TDRD9: variants seen among roughly 807,000 people sequenced by gnomAD.
TDRD9 encodes the protein tudor domain containing 9, also known as ATP-dependent RNA helicase TDRD9.
Under a neutral mutation model 172.6 loss-of-function variants are expected in TDRD9, and 124 were observed. The observed-to-expected ratio is 0.72, with a 90% CI of 0.62 to 0.83. The LOEUF is 0.83. Among genes scored for constraint, TDRD9 ranks in the 40% least tolerant of loss-of-function variants. TDRD9 has a pLI of 0.00. For missense variants in TDRD9, 1,479 were observed against 1,714.1 expected (o/e 0.86, Z 2.42); for synonymous variants, 619 against 617.1 (o/e 1.00, Z -0.05).
chr14:104,049,110 GTA>G (rs916251259), intron 34 of TDRD9, among the ~76,000 whole-genome samples: 1,482 of 52,202 alleles, frequency 0.028, 24 homozygotes, highest in African/African-American at 0.067. Flanking sequence ...ATGTATGTAT[GTA>G]TGTATGTATG....
At chr14:104,038,301 CAA>C (rs773832381) in intron 32 of TDRD9, among the ~76,000 whole-genome samples, 24 of 152,120 alleles carry the variant, frequency 1.6e-4, no homozygotes, top group Non-Finnish European at 1.6e-4. Context: ...ATTAAACAAA[CAA>C]AAAATTGAAT....
chr14:104,003,896 CAAG>C (rs1289571272), intron 13 of TDRD9, among the ~76,000 whole-genome samples: 1 of 152,084 alleles, frequency 6.6e-6, no homozygotes, highest in Non-Finnish European at 1.5e-5. Context: ...TGTGCATTTT[CAAG>C]AAGGGTGTAC....
Position 104,006,507 on chromosome 14 carries a change from T to C in TDRD9, c.1832T>C (p.Ile611Thr). 6.2e-7 allele frequency: 1 copy of C among 1,613,986 alleles called. No individual in the cohort carries two copies. Among genetic ancestry groups the C allele is most frequent in the Non-Finnish European group, 8.5e-7 (1 of 1,179,850 alleles). The stretch of plus-strand genomic sequence containing the variant: ...GTAAATCAGCAACTTGGTAAACTCA[T>C]AGTCCTTGGACATGTATTTGGATGT... ...LPVNQQLGKL[I>T]VLGHVFGCLD... is the part of the protein sequence containing the mutation. Residue 611 changes from isoleucine to threonine, a missense_variant, in exon 16 of 36, where the codon ATA becomes ACA. This residue lies in a region of TDRD9 where 1,413 missense variants were observed against 1,649.1 expected (regional missense o/e 0.86). Coordinates refer to ENST00000409874, the MANE Select transcript of TDRD9 (RefSeq NM_153046.3).
chr14:104,028,873 G>A (rs1250952613), intron 28 of TDRD9, among the ~76,000 whole-genome samples: 3 of 152,078 alleles, frequency 2.0e-5, no homozygotes, highest in Non-Finnish European at 4.4e-5. Flanking sequence ...AAGAGATAGG[G>A]GTTTAGTGTT....
At chr14:104,011,256 C>T (rs2152225582) in intron 20 of TDRD9, among the ~76,000 whole-genome samples, 1 of 152,274 alleles carries the variant, frequency 6.6e-6, no homozygotes, top group Non-Finnish European at 1.5e-5. Context: ...TCTCCCAAAA[C>T]ATTGCTCGGT....
chr14:104,007,036 T>C (rs2034463182), intron 18 of TDRD9, 124 bp from the exon 19 acceptor site: 1 of 1,114,258 alleles, frequency 9.0e-7, no homozygotes, highest in East Asian at 2.6e-5. Flanking sequence ...TTTTATGAAA[T>C]TGATTGAAAA....
chr14:103,937,065 G>A (rs750316778), intron 1 of TDRD9, among the ~76,000 whole-genome samples: 1 of 152,308 alleles, frequency 6.6e-6, no homozygotes, highest in South Asian at 2.1e-4. Flanking sequence ...GCACGCCTGG[G>A]CAACAGAGCA....
Position 104,032,042 on chromosome 14 carries a change from C to A in TDRD9, c.3464C>A (p.Pro1155His). ...GCAGAACTTCACGGGCCTTTTAACC[C>A]TTATGAACTAAAGTGCCATAGTTTG... The part of the protein sequence containing the change: ...CKAELHGPFN[P>H]YELKCHSLTR... The change falls in exon 30 of 36, where the codon CCT (proline) becomes CAT (histidine). Residue 1155 changes from proline to histidine, a missense_variant. Physicochemically the swap from Pro to His is moderately conservative, Grantham distance 77 (BLOSUM62 -2). Around this residue, in one of 3 missense-constraint regions of TDRD9, gnomAD observed 1,413 missense variants for 1,649.1 expected, o/e 0.86. Transcript: ENST00000409874. 1 of 1,549,132 alleles carries A rather than the reference C, an allele frequency of 6.5e-7. No homozygotes were observed. Among genetic ancestry groups the A allele is most frequent in the Non-Finnish European group, 8.7e-7 (1 of 1,146,304 alleles).
At chr14:103,934,206 T>A (rs2030596806) in intron 1 of TDRD9, among the ~76,000 whole-genome samples, 1 of 152,140 alleles carries the variant, frequency 6.6e-6, no homozygotes, top group African/African-American at 2.4e-5. Context: ...AAAGATGGTG[T>A]CTCACTATGT....
chr14:103,950,351 A>G (rs1179642025), intron 1 of TDRD9, among the ~76,000 whole-genome samples: 3 of 152,068 alleles, frequency 2.0e-5, no homozygotes, highest in Non-Finnish European at 4.4e-5. Flanking sequence ...CAGCCTCCCA[A>G]AGTGCTGGGA....
Position 103,975,417 on chromosome 14 carries a change from G to A in TDRD9, c.875G>A (p.Cys292Tyr), listed in dbSNP as rs1052690879. Residue 292 changes from cysteine (C) to tyrosine (Y), a missense_variant, in exon 7 of 36, where the codon TGT becomes TAT. This residue lies in a region of TDRD9 where 1,413 missense variants were observed against 1,649.1 expected (regional missense o/e 0.86). Transcript: ENST00000409874. ...GTCCTGATGTCGGCTACCATCAGCT[G>A]TAAAGAGTTTGCAGACTACTTTGCT... ...KVVLMSATISCKEFADYFAVP... is the reference protein window; with the variant it reads ...KVVLMSATISYKEFADYFAVP... The A allele has an allele frequency of 5.6e-6, 9 of 1,613,692 alleles. No homozygotes were observed. Among genetic ancestry groups the A allele is most frequent in the African/African-American group, 1.3e-5 (1 of 74,926 alleles).
intron 22 of TDRD9, among the ~76,000 whole-genome samples, chr14:104,016,753 C>T (rs559595859): frequency 1.1e-4 from 16 of 152,270 alleles, no homozygotes; most frequent in African/African-American, 3.9e-4. Context: ...TCACTTGGTT[C>T]CAGTATGTGC....
intron 8 of TDRD9, among the ~76,000 whole-genome samples, chr14:103,987,754 T>A (rs958638316): frequency 4.6e-5 from 7 of 152,238 alleles, no homozygotes; most frequent in African/African-American, 1.7e-4. Context: ...TATAGATGTC[T>A]TTTAGGTATG....
intron 1 of TDRD9, among the ~76,000 whole-genome samples, chr14:103,929,162 C>T (rs1419231901): frequency 6.6e-6 from 1 of 152,012 alleles, no homozygotes; most frequent in Non-Finnish European, 1.5e-5. Flanking sequence ...TCGTACTGGA[C>T]GTTCTGTGGG....
At chr14:103,951,756 T>C (rs936859621) in intron 1 of TDRD9, among the ~76,000 whole-genome samples, 1 of 152,086 alleles carries the variant, frequency 6.6e-6, no homozygotes, top group African/African-American at 2.4e-5. Context: ...AAATATTTCT[T>C]TTTTTTTCTT....
At chr14:104,012,057 A>G (rs1000798462) in intron 20 of TDRD9, among the ~76,000 whole-genome samples, 2 of 152,188 alleles carry the variant, frequency 1.3e-5, no homozygotes, top group African/African-American at 4.8e-5. Flanking sequence ...GCAACCAGGA[A>G]GCTCACCTGA....
At chr14:104,034,894 G>T in intron 31 of TDRD9, 66 bp from the exon 32 acceptor site, 1 of 1,287,158 alleles carries the variant, frequency 7.8e-7, no homozygotes, top group Non-Finnish European at 1.1e-6. Flanking sequence ...GGAGCGGGCC[G>T]GGAGGGAACG....
In TDRD9 at chr14:103,963,129, A is replaced by G; in HGVS notation, c.373A>G (p.Thr125Ala). The G allele has an allele frequency of 6.5e-7, 1 of 1,549,470 alleles. No homozygotes were observed. Among genetic ancestry groups the G allele is most frequent in the Non-Finnish European group, 8.7e-7 (1 of 1,145,972 alleles). The change falls in exon 3 of 36, where the codon ACA (threonine) becomes GCA (alanine). Residue 125 changes from threonine (T) to alanine (A), a missense_variant. By Grantham distance (58) the Thr-to-Ala change is moderately conservative. Around this residue, in one of 3 missense-constraint regions of TDRD9, gnomAD observed 1,413 missense variants for 1,649.1 expected, o/e 0.86. Transcript: ENST00000409874. The part of the protein sequence containing the change: ...KLSSVTCIPG[T>A]TYKYPDLPIS... ...AAGCAGTGTGACATGCATCCCAGGG[A>G]CAACTTATAAATATCCTGATTTGCC... is the stretch of plus-strand genomic sequence containing the variant.
intron 9 of TDRD9, among the ~76,000 whole-genome samples, chr14:103,992,011 G>A (rs1051042742): frequency 3.3e-5 from 5 of 152,068 alleles, no homozygotes; most frequent in Non-Finnish European, 7.4e-5. Flanking sequence ...TACATATGTC[G>A]TTATAAATGT....
Sources: gnomAD v4.1 joint callset for allele counts (sites outside exome capture counted in the v4.1 genomes callset) on GRCh38, gnomAD v4.1.1 for gene constraint, gnomAD v4.1.1 regional missense constraint, MANE v1.5 for transcripts, NCBI Gene and HGNC (gene_info 2026-07-23, HGNC 2026-07-21) for gene names.